The following GPC5 variants were observed in gnomAD, a reference collection of about 807,000 sequenced individuals.
The protein encoded by GPC5 is glypican-5.
In GPC5, 47 loss-of-function variants were observed where a neutral mutation model predicts 53.9. The observed-to-expected ratio is 0.87, with a 90% CI of 0.69 to 1.11. The LOEUF (loss-of-function observed/expected upper bound fraction) is 1.11, where lower values mean the gene tolerates loss of function less well. Among genes scored for constraint, GPC5 ranks in the 50% most tolerant of loss-of-function variants. The pLI, the probability that GPC5 is intolerant of heterozygous loss-of-function variation, is 0.00. For missense variants in GPC5, 748 were observed against 713.1 expected (o/e 1.05, Z -0.56); for synonymous variants, 286 against 263.3 (o/e 1.09, Z -0.84).
At chr13:92,731,649 T>C (rs1888808597) in intron 7 of GPC5, among the ~76,000 whole-genome samples, 1 of 151,164 alleles carries the variant, frequency 6.6e-6, no homozygotes, top group Admixed American at 6.6e-5. Flanking sequence ...AAATTGAGAG[T>C]AAATCTTACA....
At chr13:91,481,933 G>T (rs1166522748) in intron 2 of GPC5, among the ~76,000 whole-genome samples, 1 of 151,986 alleles carries the variant, frequency 6.6e-6, no homozygotes, top group Non-Finnish European at 1.5e-5. Context: ...TGGAATCTGG[G>T]TCCACTAGAC....
intron 7 of GPC5, among the ~76,000 whole-genome samples, chr13:92,830,230 G>A (rs188999955): frequency 5.9e-5 from 9 of 151,418 alleles, no homozygotes; most frequent in East Asian, 5.8e-4. Context: ...GTTTTTTTTC[G>A]TGTTTTGTGC....
intron 6 of GPC5, among the ~76,000 whole-genome samples, chr13:91,964,201 C>T (rs1407669979): frequency 6.6e-6 from 1 of 152,140 alleles, no homozygotes. Context: ...TGTTACAGCT[C>T]ACAAAGGCAG....
At position 91,693,543 on chromosome 13, in the gene GPC5, GCACTCAATCTGGGCATTGAAGT is replaced by G. The variant is rs765252936; in HGVS notation, c.685_706del (p.Leu229SerfsTer18). On this transcript the variant is annotated frameshift_variant, in exon 3 of 8. Transcript: ENST00000377067. LOFTEE classifies it high-confidence loss of function. ...GCTGCCCAGCCGCACTTTTCTGCAG[GCACTCAATCTGGGCATTGAAGT>G]CATCAACACCACAGACTATCTGCAC... 7.4e-6 allele frequency: 12 copies of G among 1,613,944 alleles called. No homozygotes were observed. The African/African-American group carries it at 1.5e-4, about 20-fold the overall frequency.
At chr13:92,595,015 G>A (rs1459000516) in intron 7 of GPC5, among the ~76,000 whole-genome samples, 1 of 152,140 alleles carries the variant, frequency 6.6e-6, no homozygotes, top group Non-Finnish European at 1.5e-5. Context: ...CATGCTTCTA[G>A]GTGTTTAATG....
intron 7 of GPC5, among the ~76,000 whole-genome samples, chr13:92,306,718 A>G (rs951460417): frequency 2.6e-5 from 4 of 152,212 alleles, no homozygotes; most frequent in Admixed American, 2.0e-4. Context: ...TTGATTGTTC[A>G]GAGTTCCTGG....
At chr13:92,778,376 C>T (rs1240493585) in intron 7 of GPC5, among the ~76,000 whole-genome samples, 1 of 152,084 alleles carries the variant, frequency 6.6e-6, no homozygotes, top group East Asian at 1.9e-4. Flanking sequence ...TTGGACTTTT[C>T]TCAGTTTACT....
chr13:92,823,184 C>A (rs1385407556), intron 7 of GPC5, among the ~76,000 whole-genome samples: 1 of 152,072 alleles, frequency 6.6e-6, no homozygotes, highest in African/African-American at 2.4e-5. Flanking sequence ...TTAAAATATT[C>A]CTATAAAAAC....
chr13:92,159,590 G>GTTTTTT (rs2041971034), intron 7 of GPC5, among the ~76,000 whole-genome samples: 5 of 61,612 alleles, frequency 8.1e-5, no homozygotes, highest in Non-Finnish European at 1.4e-4. Flanking sequence ...TAATACCAAT[G>GTTTTTT]TTCTTTTTTT....
At chr13:92,193,706 T>C (rs2042239019) in intron 7 of GPC5, among the ~76,000 whole-genome samples, 2 of 152,228 alleles carry the variant, frequency 1.3e-5, no homozygotes, top group Non-Finnish European at 2.9e-5. Context: ...GGGCAGGATC[T>C]AAGTGGCTAC....
intron 7 of GPC5, among the ~76,000 whole-genome samples, chr13:92,436,984 G>C (rs1294848557): frequency 6.6e-6 from 1 of 152,066 alleles, no homozygotes; most frequent in Non-Finnish European, 1.5e-5. Context: ...TATAAAAAAG[G>C]ATATCTTCTT....
At chr13:92,809,866 A>G (rs1877230317) in intron 7 of GPC5, among the ~76,000 whole-genome samples, 1 of 152,094 alleles carries the variant, frequency 6.6e-6, no homozygotes, top group Admixed American at 6.6e-5. Flanking sequence ...CTTTCCTTGC[A>G]TAAACGATGA....
At chr13:91,630,377 G>T (rs1481949788) in intron 2 of GPC5, among the ~76,000 whole-genome samples, 1 of 151,974 alleles carries the variant, frequency 6.6e-6, no homozygotes, top group African/African-American at 2.4e-5. Flanking sequence ...AGGGCTCGAC[G>T]GGCTCAATAA....
At chr13:92,846,056 C>A (rs912914352) in intron 7 of GPC5, among the ~76,000 whole-genome samples, 43 of 151,932 alleles carry the variant, frequency 2.8e-4, no homozygotes, top group African/African-American at 1.0e-3. Context: ...GGGTAATTTA[C>A]AAAGGAAAGA....
chr13:91,697,709 G>A (rs2035909677), intron 3 of GPC5, among the ~76,000 whole-genome samples: 4 of 151,416 alleles, frequency 2.6e-5, no homozygotes, highest in Non-Finnish European at 5.9e-5. Context: ...CATATTTTTT[G>A]AAATCCTATT....
chr13:92,169,140 G>A (rs1384024090), intron 7 of GPC5, among the ~76,000 whole-genome samples: 1 of 152,092 alleles, frequency 6.6e-6, no homozygotes, highest in East Asian at 1.9e-4. Flanking sequence ...GAGAATACGT[G>A]GACAAAGGAA....
At chr13:92,288,425 G>A (rs907038135) in intron 7 of GPC5, among the ~76,000 whole-genome samples, 2 of 152,170 alleles carry the variant, frequency 1.3e-5, no homozygotes, top group Admixed American at 6.5e-5. Flanking sequence ...GCTGAGGGCT[G>A]TAGTTATCAT....
intron 7 of GPC5, among the ~76,000 whole-genome samples, chr13:92,671,206 C>A (rs546955763): frequency 6.6e-6 from 1 of 152,202 alleles, no homozygotes; most frequent in African/African-American, 2.4e-5. Context: ...GAACTGAGTT[C>A]TCTGTAAAAA....
chr13:91,885,506 C>G (rs1409212118), intron 5 of GPC5, among the ~76,000 whole-genome samples: 1 of 152,182 alleles, frequency 6.6e-6, no homozygotes, highest in African/African-American at 2.4e-5. Flanking sequence ...ATCATTGTTT[C>G]AGATCTCATT....
Sources: gnomAD v4.1 joint callset for allele counts (sites outside exome capture counted in the v4.1 genomes callset) on GRCh38, gnomAD v4.1.1 for gene constraint, MANE v1.5 for transcripts, NCBI Gene and HGNC (gene_info 2026-07-23, HGNC 2026-07-21) for gene names.